The following KMT2E variants were observed in gnomAD, a reference collection of about 807,000 sequenced individuals.
KMT2E encodes the protein lysine methyltransferase 2E (inactive).
Under a neutral mutation model 184.6 loss-of-function variants are expected in KMT2E, and 30 were observed. The observed-to-expected ratio is 0.16, with a 90% CI of 0.12 to 0.22. KMT2E has a LOEUF of 0.22. KMT2E is among the 10% of genes least tolerant of loss of function. The probability of loss-of-function intolerance (pLI) is 1.00; values close to 1 mark genes in which losing one functional copy is unlikely to be tolerated. For synonymous variants in KMT2E, 815 were observed against 776.5 expected (o/e 1.05, Z -0.82); for missense variants, 2,023 against 2,237.4 (o/e 0.90, Z 1.93).
intron 1 of KMT2E, among the ~76,000 whole-genome samples, chr7:105,029,436 CTGAG>C (rs556901159): frequency 1.9e-4 from 29 of 152,246 alleles, no homozygotes; most frequent in Non-Finnish European, 3.5e-4. Context: ...TAGTTGTACT[CTGAG>C]GGAGGAGGGA....
intron 2 of KMT2E, among the ~76,000 whole-genome samples, chr7:105,040,007 A>G (rs1256901584): frequency 1.3e-5 from 2 of 152,148 alleles, no homozygotes; most frequent in Non-Finnish European, 2.9e-5. Flanking sequence ...TTAAAAAAAA[A>G]CTTCATTAGT....
intron 3 of KMT2E, among the ~76,000 whole-genome samples, chr7:105,051,196 CCTTT>C (rs1402828924): frequency 1.3e-5 from 2 of 148,190 alleles, no homozygotes; most frequent in Non-Finnish European, 3.0e-5. Flanking sequence ...TTCCTTCCTT[CCTTT>C]TTTAGATGGA....
At chr7:105,022,402 C>G (rs1038459688) in intron 1 of KMT2E, among the ~76,000 whole-genome samples, 1 of 151,598 alleles carries the variant, frequency 6.6e-6, no homozygotes, top group Non-Finnish European at 1.5e-5. Context: ...CTTAAGGTTT[C>G]TTCATTATTC....
At chr7:105,071,578 G>GTGTA (rs1378273986) in intron 6 of KMT2E, among the ~76,000 whole-genome samples, 1 of 51,426 alleles carries the variant, frequency 1.9e-5, no homozygotes, top group Non-Finnish European at 3.4e-5. Context: ...ATGTATGTGT[G>GTGTA]TGTGTATATA....
At chr7:105,100,224 G>T (rs1399707866) in intron 15 of KMT2E, among the ~76,000 whole-genome samples, 1 of 152,120 alleles carries the variant, frequency 6.6e-6, no homozygotes, top group African/African-American at 2.4e-5. Context: ...TATTATTAGA[G>T]TACTTTTGTT....
chr7:105,068,044 A>G (rs1048682728), intron 6 of KMT2E, among the ~76,000 whole-genome samples: 2 of 152,096 alleles, frequency 1.3e-5, no homozygotes, highest in Non-Finnish European at 2.9e-5. Context: ...CATTGTTATG[A>G]TATTGATTGG....
At chr7:105,019,712 T>A (rs1794868616) in intron 1 of KMT2E, among the ~76,000 whole-genome samples, 1 of 152,156 alleles carries the variant, frequency 6.6e-6, no homozygotes, top group Admixed American at 6.5e-5. Context: ...TTACGACAAT[T>A]GGACAGAGGT....
At position 105,026,428 on chromosome 7, in the gene KMT2E, A is replaced by G. The variant is rs985681118; in HGVS notation, c.-188-11698A>G. Among the ~76,000 whole-genome samples, 9 of 152,188 alleles carry G rather than the reference A, an allele frequency of 5.9e-5. 1 individual carries two copies. The highest frequency in any genetic ancestry group is 7.2e-5 in the African/African-American group (3 of 41,440). Reference sequence around the variant, plus strand: ...CTTTTGAACTCTGATAATACTATAGATTAATTTAGTGGCAGATAGTTGAGT... The same window carrying G: ...CTTTTGAACTCTGATAATACTATAGGTTAATTTAGTGGCAGATAGTTGAGT... On this transcript the variant is annotated intron_variant, in intron 1 of 26. Coordinates refer to ENST00000311117, the MANE Select transcript of KMT2E (RefSeq NM_182931.3).
chr7:105,029,719 A>C (rs1795323653), intron 1 of KMT2E, among the ~76,000 whole-genome samples: 1 of 152,222 alleles, frequency 6.6e-6, no homozygotes, highest in South Asian at 2.1e-4. Context: ...TGTGGAAAAG[A>C]AAGTTTCACT....
chr7:105,037,905 A>T lies in KMT2E; in HGVS notation c.-188-221A>T, dbSNP rs540175039. ...AATATTAAATTTAATATTGTATCCC[A>T]GTGTTTCTTTTTCCAGTTTGATTTA... On this transcript the variant is annotated intron_variant, in intron 1 of 26. Transcript: ENST00000311117. Among the ~76,000 whole-genome samples the T allele has an allele frequency of 2.6e-5, 4 of 152,038 alleles. No homozygotes were observed. The South Asian group carries it at 8.3e-4, about 32-fold the overall frequency.
At chr7:105,033,359 T>G (rs1795502243) in intron 1 of KMT2E, among the ~76,000 whole-genome samples, 1 of 152,250 alleles carries the variant, frequency 6.6e-6, no homozygotes, top group African/African-American at 2.4e-5. Context: ...TGCATATGGT[T>G]GTAAGAAATA....
In KMT2E at chr7:105,101,541, A is replaced by G; in HGVS notation, c.1839A>G (p.Lys613=). 6.3e-7 allele frequency: 1 copy of G among 1,584,290 alleles called. No individual in the cohort carries two copies. The change falls in exon 16 of 27, where the codon AAA becomes AAG. Residue 613 remains lysine (K), a synonymous_variant. Coordinates refer to ENST00000311117, the MANE Select transcript of KMT2E (RefSeq NM_182931.3). Reference sequence around the variant, plus strand: ...TCAGCACAGCCAAAACTGAAGTTAAAACTGAATGTAAAGATACACAGATTG... The same window carrying G: ...TCAGCACAGCCAAAACTGAAGTTAAGACTGAATGTAAAGATACACAGATTG... ...ERISTAKTEV[K]TECKDTQIVS... is the part of the protein sequence containing the mutation.
intron 3 of KMT2E, among the ~76,000 whole-genome samples, chr7:105,059,978 G>T (rs867408898): frequency 0.015 from 801 of 51,852 alleles, 23 homozygotes; most frequent in Middle Eastern, 0.028. Context: ...TCTTGTTGTT[G>T]TTTTTTTTTT....
intron 6 of KMT2E, among the ~76,000 whole-genome samples, chr7:105,070,118 A>G (rs1445390727): frequency 6.6e-6 from 1 of 151,756 alleles, no homozygotes; most frequent in Non-Finnish European, 1.5e-5. Flanking sequence ...TTTTTTGGCT[A>G]TTACAAATAA....
At chr7:105,106,396 A>G (rs560265424) in intron 19 of KMT2E, 126 bp from the exon 20 acceptor site, 3 of 898,600 alleles carry the variant, frequency 3.3e-6, no homozygotes, top group East Asian at 2.6e-5. Context: ...AAACCGTGAA[A>G]TTCAGTTTTG....
intron 14 of KMT2E, 74 bp downstream of exon 14, chr7:105,090,347 T>A: frequency 2.0e-6 from 3 of 1,472,514 alleles, no homozygotes; most frequent in Non-Finnish European, 2.8e-6. Context: ...CTCTTCTTTG[T>A]TCTATGTATA....
At chr7:105,023,402 CAAAAAAAAA>C (rs1158885663) in intron 1 of KMT2E, among the ~76,000 whole-genome samples, 1 of 55,936 alleles carries the variant, frequency 1.8e-5, no homozygotes, top group African/African-American at 7.0e-5. Context: ...GACTCTGTCT[CAAAAAAAAA>C]AAAAAAAAAA....
intron 23 of KMT2E, 79 bp downstream of exon 23, chr7:105,109,307 A>G: frequency 2.8e-6 from 4 of 1,419,422 alleles, no homozygotes; most frequent in Non-Finnish European, 3.8e-6. Flanking sequence ...TGTTCTCCCA[A>G]GGCTAAGCTG....
chr7:105,053,649 G>T (rs867882370), intron 3 of KMT2E, among the ~76,000 whole-genome samples: 7 of 152,208 alleles, frequency 4.6e-5, no homozygotes, highest in Non-Finnish European at 7.4e-5. Context: ...AAGGTGAGGG[G>T]ATCTCTTGAG....
Sources: allele counts gnomAD v4.1 joint callset (sites outside exome capture counted in the v4.1 genomes callset), GRCh38; gene constraint gnomAD v4.1.1; transcripts MANE v1.5; gene names NCBI Gene and HGNC (gene_info 2026-07-23, HGNC 2026-07-21).